The following PTPRK variants were observed in gnomAD, a reference collection of about 807,000 sequenced individuals.
PTPRK encodes the protein receptor-type tyrosine-protein phosphatase kappa.
A neutral mutation model predicts 178.0 loss-of-function variants in PTPRK; 75 were observed. The ratio of observed to expected loss-of-function variants is 0.42; its 90% confidence interval spans 0.35 to 0.51. PTPRK has a LOEUF of 0.51. Among genes scored for constraint, PTPRK ranks in the 20% least tolerant of loss-of-function variants. The pLI is 0.02. For synonymous variants in PTPRK, 637 were observed against 620.6 expected (o/e 1.03, Z -0.39); for missense variants, 1,441 against 1,797.8 (o/e 0.80, Z 3.59).
intron 3 of PTPRK, among the ~76,000 whole-genome samples, chr6:128,319,093 G>A (rs1034932843): frequency 2.6e-5 from 4 of 152,136 alleles, no homozygotes; most frequent in African/African-American, 9.7e-5. Context: ...ATTTACATTT[G>A]CTGGCTCTAA....
Position 128,470,454 on chromosome 6 carries a change from A to G in PTPRK, c.100+49805T>C, listed in dbSNP as rs1008202362. Among the ~76,000 whole-genome samples the G allele has an allele frequency of 7.9e-5, 12 of 152,054 alleles. No homozygotes were observed. The South Asian group carries it at 8.3e-4, about 10-fold the overall frequency. ...GTTAAAATCAATCCAACGTAAGTTC[A>G]CAAAATTATTCATAATAGCCTAGTG... On this transcript the variant is annotated intron_variant, in intron 1 of 29. Transcript: ENST00000368226.
At chr6:128,214,570 T>G (rs1003558317) in intron 6 of PTPRK, among the ~76,000 whole-genome samples, 1 of 151,892 alleles carries the variant, frequency 6.6e-6, no homozygotes, top group African/African-American at 2.4e-5. Context: ...ATTATTATTA[T>G]TTTGATAGTT....
intron 1 of PTPRK, among the ~76,000 whole-genome samples, chr6:128,479,981 C>G (rs1268715952): frequency 6.6e-6 from 1 of 152,124 alleles, no homozygotes; most frequent in African/African-American, 2.4e-5. Flanking sequence ...CTTTCTGAAC[C>G]TCTCAGATTC....
At chr6:128,442,464 T>C (rs963770957) in intron 1 of PTPRK, among the ~76,000 whole-genome samples, 6 of 152,202 alleles carry the variant, frequency 3.9e-5, no homozygotes, top group African/African-American at 1.4e-4. Context: ...TTGCATGTTA[T>C]CAAATGCAGC....
intron 7 of PTPRK, among the ~76,000 whole-genome samples, chr6:128,172,127 T>TA (rs1800348290): frequency 4.6e-5 from 7 of 151,950 alleles, no homozygotes; most frequent in Admixed American, 4.6e-4. Flanking sequence ...GGAGATCAGC[T>TA]AAAAAAGTAG....
chr6:128,146,228 TA>T (rs1364473361), intron 7 of PTPRK, among the ~76,000 whole-genome samples: 1 of 152,160 alleles, frequency 6.6e-6, no homozygotes, highest in African/African-American at 2.4e-5. Context: ...CATGAAGGAA[TA>T]TTTTTTGGGG....
chr6:128,137,606 T>G (rs1265188098), intron 7 of PTPRK, among the ~76,000 whole-genome samples: 3 of 152,152 alleles, frequency 2.0e-5, no homozygotes, highest in Non-Finnish European at 4.4e-5. Context: ...TTTGGAAGGT[T>G]GTGTCCAGGG....
intron 7 of PTPRK, among the ~76,000 whole-genome samples, chr6:128,149,456 T>C (rs1388500196): frequency 6.6e-6 from 1 of 152,178 alleles, no homozygotes; most frequent in African/African-American, 2.4e-5. Flanking sequence ...TTTTGAATAG[T>C]TGTTATATTG....
chr6:128,454,294 T>C lies in PTPRK; in HGVS notation c.101-56606A>G, dbSNP rs187332765. Among the ~76,000 whole-genome samples the C allele has an allele frequency of 1.1e-4, 16 of 152,302 alleles. No homozygotes were observed. In the East Asian group the frequency reaches 1.5e-3, roughly 15 times the overall value. ...CTACCCAGCCTCTGGTATTCTGTTA[T>C]AGCAGCCTGAGCAGACCAAGACAGT... On this transcript the variant is annotated intron_variant, in intron 1 of 29. Transcript: ENST00000368226.
intron 6 of PTPRK, among the ~76,000 whole-genome samples, chr6:128,202,317 C>T (rs1052703051): frequency 3.9e-5 from 6 of 152,136 alleles, no homozygotes; most frequent in Non-Finnish European, 5.9e-5. Context: ...ACGCTTCTCC[C>T]GTAAATATTT....
intron 7 of PTPRK, among the ~76,000 whole-genome samples, chr6:128,134,215 G>A (rs958784239): frequency 2.2e-4 from 33 of 152,048 alleles, no homozygotes; most frequent in Admixed American, 6.6e-4. Context: ...TAGGACATGC[G>A]CATATTTAAA....
intron 3 of PTPRK, among the ~76,000 whole-genome samples, chr6:128,296,061 A>C (rs1824301182): frequency 1.3e-5 from 2 of 152,104 alleles, no homozygotes; most frequent in South Asian, 4.1e-4. Flanking sequence ...AGTCAAGGGC[A>C]AGTCCTTCGA....
intron 13 of PTPRK, among the ~76,000 whole-genome samples, chr6:128,018,941 C>T (rs544381557): frequency 3.9e-5 from 6 of 152,172 alleles, no homozygotes; most frequent in Non-Finnish European, 8.8e-5. Context: ...AACAAGTGTT[C>T]TTCCTTTAGA....
chr6:128,290,165 A>G (rs1823150205), intron 3 of PTPRK, among the ~76,000 whole-genome samples: 1 of 152,090 alleles, frequency 6.6e-6, no homozygotes, highest in Non-Finnish European at 1.5e-5. Flanking sequence ...TATCTACTCT[A>G]TGGTTACAAT....
At chr6:127,999,585 G>A (rs963855303) in intron 15 of PTPRK, among the ~76,000 whole-genome samples, 6 of 152,004 alleles carry the variant, frequency 3.9e-5, no homozygotes, top group East Asian at 1.9e-4. Context: ...AAATCAGGGC[G>A]CGCTTCTGGA....
chr6:127,990,581 C>T (rs915941247), intron 21 of PTPRK, among the ~76,000 whole-genome samples, 188 bp downstream of exon 21: 6 of 151,880 alleles, frequency 4.0e-5, no homozygotes, highest in East Asian at 1.9e-4. Flanking sequence ...CCACACGAGG[C>T]GATTTTAACA....
chr6:128,070,653 T>C (rs1162765224), intron 11 of PTPRK, among the ~76,000 whole-genome samples: 1 of 151,932 alleles, frequency 6.6e-6, no homozygotes, highest in Non-Finnish European at 1.5e-5. Flanking sequence ...CACCGCACTC[T>C]ATAACCCTCC....
At chr6:128,392,056 A>G (rs1839661229) in intron 2 of PTPRK, among the ~76,000 whole-genome samples, 1 of 152,130 alleles carries the variant, frequency 6.6e-6, no homozygotes, top group African/African-American at 2.4e-5. Context: ...TAATTGAAAA[A>G]TGGTCCTGGA....
At chr6:128,005,348 C>G (rs1778297271) in intron 14 of PTPRK, 104 bp from the exon 15 acceptor site, 1 of 1,168,072 alleles carries the variant, frequency 8.6e-7, no homozygotes, top group Non-Finnish European at 1.2e-6. Flanking sequence ...ATGTTACAAA[C>G]ATGGTTTAGA....
Sources: gnomAD v4.1 joint callset for allele counts (sites outside exome capture counted in the v4.1 genomes callset) on GRCh38, gnomAD v4.1.1 for gene constraint, MANE v1.5 for transcripts, NCBI Gene and HGNC (gene_info 2026-07-23, HGNC 2026-07-21) for gene names.